Variants in IL1RAPL2 observed in about 807,000 individuals in gnomAD.
IL1RAPL2 encodes the protein X-linked interleukin-1 receptor accessory protein-like 2.
IL1RAPL2 carries 3 observed loss-of-function variants against 44.1 expected under a neutral mutation model. The observed-to-expected ratio is 0.07, with a 90% CI of 0.03 to 0.18. The LOEUF (loss-of-function observed/expected upper bound fraction) is 0.18, where lower values mean the gene tolerates loss of function less well. Ranked by LOEUF, IL1RAPL2 falls within the 10% of genes least tolerant of loss-of-function variation. IL1RAPL2 has a pLI of 1.00. For missense variants in IL1RAPL2, 391 were observed against 496.4 expected, an observed-to-expected ratio of 0.79 and a Z score of 2.02; for synonymous variants, 181 against 178.8, an observed-to-expected ratio of 1.01 and a Z score of -0.10.
At chrX:104,916,605 G>A (rs190326086) in intron 2 of IL1RAPL2, among the ~76,000 whole-genome samples, 1 of 111,437 alleles carries the variant, frequency 9.0e-6, no homozygotes, top group Admixed American at 9.5e-5. Flanking sequence ...CCAACACTAT[G>A]TTGAATTGGA....
At chrX:105,447,229 AATATAT>A (rs1405060724) in intron 5 of IL1RAPL2, among the ~76,000 whole-genome samples, 3 of 25,708 alleles carry the variant, frequency 1.2e-4, no homozygotes, top group Non-Finnish European at 1.4e-4. Flanking sequence ...AATATATATA[AATATAT>A]ATATAAATAT....
At chrX:105,702,520 A>T (rs1377464900) in intron 6 of IL1RAPL2, among the ~76,000 whole-genome samples, 1 of 111,383 alleles carries the variant, frequency 9.0e-6, no homozygotes, top group Non-Finnish European at 1.9e-5. Flanking sequence ...AAAAATAACA[A>T]CCCCTCATAT....
At chrX:105,387,050 A>G (rs779871133) in intron 5 of IL1RAPL2, among the ~76,000 whole-genome samples, 31 of 111,580 alleles carry the variant, frequency 2.8e-4, no homozygotes, top group Non-Finnish European at 5.6e-4. Flanking sequence ...ATATATGTAT[A>G]TGCACTTATG....
In IL1RAPL2 at chrX:105,086,562, T is replaced by C. The variant is rs770456650; in HGVS notation, c.83-108913T>C. ...GTTTTTTGAGATCTATTACACAACA[T>C]GAAGGCTATCGTTAATAATCATGTC... On this transcript the variant is annotated intron_variant, in intron 2 of 10. Coordinates refer to ENST00000372582, the MANE Select transcript of IL1RAPL2 (RefSeq NM_017416.2). Among the ~76,000 whole-genome samples the C allele has an allele frequency of 1.8e-4, 20 of 111,039 alleles. No individual in the cohort carries two copies. In the East Asian group the frequency reaches 2.3e-3, roughly 13 times the overall value.
At chrX:105,219,830 G>A in intron 3 of IL1RAPL2, 1 of 1,098,507 alleles carries the variant, frequency 9.1e-7, no homozygotes, top group Non-Finnish European at 1.2e-6. Flanking sequence ...GTAGGACGGA[G>A]CTACCAGGTG....
chrX:104,870,485 G>A (rs769066214), intron 2 of IL1RAPL2, among the ~76,000 whole-genome samples: 29 of 112,382 alleles, frequency 2.6e-4, no homozygotes, highest in Non-Finnish European at 4.7e-4. Flanking sequence ...GGAATTTATG[G>A]ATGAGGCAAC....
At chrX:105,228,635 A>T (rs2034039594) in intron 3 of IL1RAPL2, among the ~76,000 whole-genome samples, 1 of 112,518 alleles carries the variant, frequency 8.9e-6, no homozygotes, top group Admixed American at 9.4e-5. Flanking sequence ...AAATTTTCTA[A>T]TTCTGTGCTA....
At chrX:104,837,062 TC>T (rs1216209707) in intron 2 of IL1RAPL2, among the ~76,000 whole-genome samples, 2 of 111,745 alleles carry the variant, frequency 1.8e-5, no homozygotes, top group African/African-American at 6.5e-5. Flanking sequence ...ATTATCTCAT[TC>T]TTTTTTATGG....
chrX:105,746,852 G>A (rs1194265087), intron 8 of IL1RAPL2, among the ~76,000 whole-genome samples: 1 of 111,508 alleles, frequency 9.0e-6, no homozygotes, highest in African/African-American at 3.3e-5. Flanking sequence ...GAGAGAGACA[G>A]AAAGACCAAA....
At chrX:104,734,536 C>G (rs896185555) in intron 2 of IL1RAPL2, among the ~76,000 whole-genome samples, 1 of 111,957 alleles carries the variant, frequency 8.9e-6, no homozygotes, top group African/African-American at 3.2e-5. Context: ...ATGAAAGAAG[C>G]CAGTCTCAAA....
rs1043481705 is a variant in IL1RAPL2, at chrX:105,574,893, T to A, written c.772+90506T>A. On this transcript the variant is annotated intron_variant, in intron 6 of 10. Transcript: ENST00000372582. ...GGAAAAAGCAGCATTCTATACAACA[T>A]GCTAATGGGTACAATTTATTAAAAC... Among the ~76,000 whole-genome samples, 19 of 111,565 alleles carry A rather than the reference T, an allele frequency of 1.7e-4. No homozygotes were observed. The East Asian group carries it at 2.3e-3, about 13-fold the overall frequency.
intron 6 of IL1RAPL2, among the ~76,000 whole-genome samples, chrX:105,523,479 C>T (rs2036573697): frequency 9.1e-6 from 1 of 110,244 alleles, no homozygotes; most frequent in African/African-American, 3.4e-5. Context: ...ATTAGAAACA[C>T]ATCTGTGTTT....
intron 6 of IL1RAPL2, among the ~76,000 whole-genome samples, chrX:105,661,237 T>A (rs2037717815): frequency 8.9e-6 from 1 of 112,002 alleles, no homozygotes; most frequent in Admixed American, 9.4e-5. Flanking sequence ...GATATAACAA[T>A]TATATTTGAA....
At position 105,208,032 on chromosome X, in the gene IL1RAPL2, G is replaced by A. The variant is rs782072117; in HGVS notation, c.356+12284G>A. On this transcript the variant is annotated intron_variant, in intron 3 of 10. Coordinates refer to ENST00000372582, the MANE Select transcript of IL1RAPL2 (RefSeq NM_017416.2). ...ATCTAAACAGGTGGTGATAGTAGAG[G>A]TCTTCCCAGGCAGATAAAACAATGT... Among the ~76,000 whole-genome samples the A allele has an allele frequency of 5.4e-5, 6 of 111,822 alleles. No homozygotes were observed. The East Asian group carries it at 1.4e-3, about 26-fold the overall frequency.
At chrX:105,219,045 A>G (rs1432689717) in intron 3 of IL1RAPL2, 1 of 1,211,299 alleles carries the variant, frequency 8.3e-7, no homozygotes, top group African/African-American at 1.7e-5. Flanking sequence ...CGTTACACCA[A>G]GGGCAGTCCC....
chrX:105,168,296 C>T (rs1432616060), intron 2 of IL1RAPL2, among the ~76,000 whole-genome samples: 3 of 111,233 alleles, frequency 2.7e-5, no homozygotes, highest in Non-Finnish European at 3.8e-5. Flanking sequence ...TTAACTTCTA[C>T]GAGTGTCAGT....
rs748398798 is a variant in IL1RAPL2 at position 104,709,191 on chromosome X, G to GT, written c.82+50207dup. Among the ~76,000 whole-genome samples the GT allele has an allele frequency of 7.8e-3, 806 of 103,505 alleles. 5 individuals are homozygous for GT. The highest frequency in any genetic ancestry group is 9.3e-3 in the Non-Finnish European group (468 of 50,160). The allele number at this position is 103,505 out of a possible 115,157, so 89.9% of individuals were successfully genotyped here. ...CACTGCTGTAGCAGCTCAGACAGTG[G>GT]TTTTTTTTTTTCCATAGTGGGCTGT... On this transcript the variant is annotated intron_variant, in intron 2 of 10. Transcript: ENST00000372582.
At chrX:104,983,843 A>C (rs2030511859) in intron 2 of IL1RAPL2, among the ~76,000 whole-genome samples, 1 of 108,720 alleles carries the variant, frequency 9.2e-6, no homozygotes. Flanking sequence ...TCTAAATTTA[A>C]AATCAAATCA....
intron 1 of IL1RAPL2, among the ~76,000 whole-genome samples, chrX:104,582,731 C>CCCTTCCTT (rs199856354): frequency 1.3e-5 from 1 of 76,997 alleles, no homozygotes; most frequent in African/African-American, 5.5e-5. Flanking sequence ...CTCTCTCTCT[C>CCCTTCCTT]CCTTCCTTCC....
Sources: gnomAD v4.1 joint callset for allele counts (sites outside exome capture counted in the v4.1 genomes callset) on GRCh38, gnomAD v4.1.1 for gene constraint, MANE v1.5 for transcripts, NCBI Gene and HGNC (gene_info 2026-07-23, HGNC 2026-07-21) for gene names.